ABCA10: variants seen among roughly 807,000 people sequenced by gnomAD.
The protein encoded by ABCA10 is ATP binding cassette subfamily A member 10.
A neutral mutation model predicts 187.5 loss-of-function variants in ABCA10; 169 were observed. The observed-to-expected ratio is 0.90, with a 90% CI of 0.80 to 1.02. The LOEUF (loss-of-function observed/expected upper bound fraction) is 1.02. Among genes scored for constraint, ABCA10 ranks in the 50% least tolerant of loss-of-function variants. ABCA10 has a pLI of 0.00. For synonymous variants in ABCA10, 574 were observed against 601.8 expected (o/e 0.95, Z 0.68); for missense variants, 1,727 against 1,812.4 (o/e 0.95, Z 0.86).
chr17:69,189,338 T>C (rs1344163923), intron 18 of ABCA10, among the ~76,000 whole-genome samples: 2 of 152,204 alleles, frequency 1.3e-5, no homozygotes, highest in African/African-American at 4.8e-5. Flanking sequence ...TTTTGAGAAG[T>C]ATCTGTTCAT....
chr17:69,175,673 G>T (rs1449673664), intron 22 of ABCA10, 160 bp from the exon 23 acceptor site: 1 of 537,392 alleles, frequency 1.9e-6, no homozygotes, highest in Non-Finnish European at 3.2e-6. Context: ...TTAGTGGCAG[G>T]TTCCATTCCC....
intron 3 of ABCA10, among the ~76,000 whole-genome samples, chr17:69,224,455 T>A (rs1314879862): frequency 2.0e-5 from 3 of 152,092 alleles, no homozygotes; most frequent in African/African-American, 7.2e-5. Context: ...ATACTTTCCC[T>A]ATGCAGGAGC....
intron 16 of ABCA10, among the ~76,000 whole-genome samples, 159 bp downstream of exon 16, chr17:69,192,404 G>C (rs8068468): frequency 0.2 from 29,893 of 152,120 alleles, 5,839 homozygotes; most frequent in African/African-American, 0.5. Flanking sequence ...AGATAACCAA[G>C]AAAGGAAATG....
intron 3 of ABCA10, among the ~76,000 whole-genome samples, chr17:69,223,995 C>T (rs531680014): frequency 2.0e-5 from 3 of 152,136 alleles, no homozygotes; most frequent in Non-Finnish European, 4.4e-5. Context: ...AATGACTACA[C>T]AAAGGAAGTG....
intron 6 of ABCA10, 121 bp downstream of exon 6, chr17:69,219,424 G>T: frequency 3.1e-6 from 2 of 640,682 alleles, no homozygotes; most frequent in Non-Finnish European, 5.1e-6. Flanking sequence ...TCTAATGCAA[G>T]TAAGGTGATT....
At chr17:69,224,699 A>G (rs2074779378) in intron 3 of ABCA10, among the ~76,000 whole-genome samples, 1 of 151,814 alleles carries the variant, frequency 6.6e-6, no homozygotes, top group Admixed American at 6.6e-5. Context: ...AAAAAAAAAA[A>G]AAAAGCCTCA....
rs1437847208 is a variant in ABCA10, at chr17:69,182,197, T to C, written c.2725A>G (p.Asn909Asp). Residue 909 changes from asparagine to aspartate, a missense_variant, in exon 22 of 39, where the codon AAC becomes GAC. Physicochemically the swap from Asn to Asp is conservative, Grantham distance 23 (BLOSUM62 1). Coordinates refer to ENST00000690296, the MANE Select transcript of ABCA10 (RefSeq NM_001377321.1). ...TCCATTTGAATAAGCTCCGTGAAGT[T>C]AAAAATTCCCATAAGGGCATTGCTA... The part of the protein sequence containing the change: ...IVSNALMGIF[N>D]FTELIQMEST... 1 of 1,597,236 alleles carries C rather than the reference T, an allele frequency of 6.3e-7. No homozygotes were observed.
chr17:69,156,652 A>T (rs2074176576), intron 28 of ABCA10, among the ~76,000 whole-genome samples, 180 bp downstream of exon 28: 1 of 152,172 alleles, frequency 6.6e-6, no homozygotes, highest in African/African-American at 2.4e-5. Flanking sequence ...AAAAACAAAT[A>T]AAATTATAAA....
At chr17:69,208,714 G>A (rs1006582964) in intron 9 of ABCA10, among the ~76,000 whole-genome samples, 1 of 152,052 alleles carries the variant, frequency 6.6e-6, no homozygotes, top group Non-Finnish European at 1.5e-5. Context: ...GTAGAGTAGA[G>A]CCTAAACCAA....
chr17:69,210,081 T>TTTATTA (rs140000472), intron 9 of ABCA10, among the ~76,000 whole-genome samples: 5,702 of 146,858 alleles, frequency 0.039, 130 homozygotes, highest in African/African-American at 0.052. Flanking sequence ...ATGCTATTAC[T>TTTATTA]TTATTATTAT....
At chr17:69,197,576 A>C (rs576817233) in intron 10 of ABCA10, among the ~76,000 whole-genome samples, 1 of 152,182 alleles carries the variant, frequency 6.6e-6, no homozygotes, top group African/African-American at 2.4e-5. Context: ...TCACTATACT[A>C]CTCCACAAAA....
At chr17:69,225,621 C>T (rs1324912471) in intron 2 of ABCA10, 92 bp from the exon 3 acceptor site, 2 of 389,678 alleles carry the variant, frequency 5.1e-6, no homozygotes, top group Non-Finnish European at 9.1e-6. Context: ...GAATGTATTG[C>T]CATTGAGCAT....
intron 9 of ABCA10, among the ~76,000 whole-genome samples, chr17:69,202,003 G>A (rs902535533): frequency 1.3e-4 from 20 of 152,082 alleles, no homozygotes; most frequent in Admixed American, 9.8e-4. Flanking sequence ...GGCTGGTCTC[G>A]AACTCCCAAC....
intron 6 of ABCA10, among the ~76,000 whole-genome samples, chr17:69,216,971 G>A (rs2074710867): frequency 6.6e-6 from 1 of 152,160 alleles, no homozygotes; most frequent in South Asian, 2.1e-4. Context: ...ATGATGCCAG[G>A]CACGGTGGCT....
intron 24 of ABCA10, 37 bp from the exon 25 acceptor site, chr17:69,174,431 G>C (rs769849140): frequency 1.3e-6 from 2 of 1,526,408 alleles, no homozygotes; most frequent in East Asian, 2.3e-5. Context: ...GATTAGAAAT[G>C]GCAGGTCATA....
intron 1 of ABCA10, among the ~76,000 whole-genome samples, chr17:69,238,349 G>A (rs1022840894): frequency 6.6e-6 from 1 of 152,034 alleles, no homozygotes; most frequent in Admixed American, 6.6e-5. Flanking sequence ...CTATGTTACA[G>A]CAGCCCTAGA....
At chr17:69,223,870 T>C (rs2074772174) in intron 3 of ABCA10, among the ~76,000 whole-genome samples, 1 of 151,990 alleles carries the variant, frequency 6.6e-6, no homozygotes, top group Non-Finnish European at 1.5e-5. Flanking sequence ...AGAGACAGAG[T>C]CCAGTGGTCC....
intron 6 of ABCA10, 65 bp from the exon 7 acceptor site, chr17:69,216,423 G>A (rs1218034958): frequency 9.9e-6 from 15 of 1,514,000 alleles, no homozygotes; most frequent in South Asian, 6.8e-5. Context: ...GGTAATGTGC[G>A]AAATGGTTAA....
chr17:69,196,385 G>C (rs1282312327), intron 11 of ABCA10: 1 of 177,816 alleles, frequency 5.6e-6, no homozygotes, highest in Admixed American at 6.2e-5. Flanking sequence ...GTCGCGGCCG[G>C]GCAGGGGCGC....
Sources: allele counts gnomAD v4.1 joint callset (sites outside exome capture counted in the v4.1 genomes callset), GRCh38; gene constraint gnomAD v4.1.1; transcripts MANE v1.5; gene names NCBI Gene and HGNC (gene_info 2026-07-23, HGNC 2026-07-21).